SMYD3: variants seen among roughly 807,000 people sequenced by gnomAD.
SMYD3 encodes the protein SET and MYND domain containing 3.
A neutral mutation model predicts 57.7 loss-of-function variants in SMYD3; 36 were observed. That is an observed-to-expected ratio of 0.62 (90% CI 0.48 to 0.82). The LOEUF (loss-of-function observed/expected upper bound fraction) is 0.82, where lower values mean the gene tolerates loss of function less well. SMYD3 is among the 40% of genes least tolerant of loss of function. The pLI, the probability that SMYD3 is intolerant of heterozygous loss-of-function variation, is 0.00. For synonymous variants in SMYD3, 211 were observed against 195.0 expected (o/e 1.08, Z -0.68); for missense variants, 515 against 538.8 (o/e 0.96, Z 0.44).
At chr1:246,197,654 C>G (rs1486261690) in intron 5 of SMYD3, among the ~76,000 whole-genome samples, 1 of 152,080 alleles carries the variant, frequency 6.6e-6, no homozygotes, top group Non-Finnish European at 1.5e-5. Context: ...AACGTGGTAT[C>G]CTGTGTGGCA....
At chr1:245,864,010 T>TCA (rs1376363984) in intron 8 of SMYD3, 124 bp from the exon 9 acceptor site, 2 of 800,874 alleles carry the variant, frequency 2.5e-6, no homozygotes, top group Non-Finnish European at 4.0e-6. Flanking sequence ...GCATCATTTA[T>TCA]CATCAGGGAA....
intron 5 of SMYD3, among the ~76,000 whole-genome samples, chr1:246,214,739 A>G (rs10924556): frequency 0.27 from 40,328 of 151,930 alleles, 6,078 homozygotes; most frequent in East Asian, 0.58. Flanking sequence ...CTACCGGAAT[A>G]TTTAGGAACA....
rs189388336 is a variant in SMYD3, at chr1:245,857,643, T to C, written c.1076+853A>G. Among the ~76,000 whole-genome samples the C allele has an allele frequency of 4.6e-5, 7 of 152,288 alleles. No individual in the cohort carries two copies. In the East Asian group the frequency reaches 1.4e-3, roughly 29 times the overall value. ...CCATCGCTCCTGGTCACAGGTGCTTTCGAGGTACCTTCCCGCCAGCAACCT... is the reference window on the plus strand; with the variant it reads ...CCATCGCTCCTGGTCACAGGTGCTTCCGAGGTACCTTCCCGCCAGCAACCT... On this transcript the variant is annotated intron_variant, in intron 10 of 11. Coordinates refer to ENST00000490107, the MANE Select transcript of SMYD3 (RefSeq NM_001167740.2).
chr1:245,828,444 C>T (rs1345485131), intron 10 of SMYD3, among the ~76,000 whole-genome samples: 2 of 152,172 alleles, frequency 1.3e-5, no homozygotes, highest in South Asian at 2.1e-4. Context: ...TCATACACCT[C>T]TGAAGCATTT....
Position 245,942,912 on chromosome 1 carries a change from A to C in SMYD3, c.532-12975T>G, listed in dbSNP as rs920558005. ...GGGTAAATAATGAAATTGAGGCAGAAATGAAGAAGTTCTTTGAAACCAATG... is the reference window on the plus strand; with the variant it reads ...GGGTAAATAATGAAATTGAGGCAGACATGAAGAAGTTCTTTGAAACCAATG... On this transcript the variant is annotated intron_variant, in intron 5 of 11. Coordinates refer to ENST00000490107, the MANE Select transcript of SMYD3 (RefSeq NM_001167740.2). Among the ~76,000 whole-genome samples, 4 of 152,318 alleles carry C rather than the reference A, an allele frequency of 2.6e-5. No individual in the cohort carries two copies. The East Asian group carries it at 7.7e-4, about 29-fold the overall frequency.
chr1:245,940,565 AAAAACAAAAC>A (rs58286168), intron 5 of SMYD3, among the ~76,000 whole-genome samples: 7 of 149,122 alleles, frequency 4.7e-5, no homozygotes, highest in Admixed American at 1.3e-4. Context: ...TGACTGTTAA[AAAAACAAAAC>A]AAAACAAAAC....
chr1:246,008,210 T>C (rs1255648001), intron 5 of SMYD3, among the ~76,000 whole-genome samples: 2 of 152,228 alleles, frequency 1.3e-5, no homozygotes, highest in Non-Finnish European at 1.5e-5. Flanking sequence ...CAAACCTCAA[T>C]GGTAATGAAG....
chr1:246,168,323 T>A (rs1369027800), intron 5 of SMYD3, among the ~76,000 whole-genome samples: 1 of 152,184 alleles, frequency 6.6e-6, no homozygotes, highest in Non-Finnish European at 1.5e-5. Flanking sequence ...TCTCCCAGAT[T>A]CAGCCATGTA....
chr1:246,470,518 A>G (rs577376117), intron 1 of SMYD3, among the ~76,000 whole-genome samples: 1 of 141,534 alleles, frequency 7.1e-6, no homozygotes, highest in African/African-American at 2.8e-5. Flanking sequence ...ATTAAAAAAA[A>G]AAATATATAT....
At chr1:245,874,164 C>G (rs935514755) in intron 8 of SMYD3, among the ~76,000 whole-genome samples, 4 of 152,176 alleles carry the variant, frequency 2.6e-5, no homozygotes, top group African/African-American at 7.2e-5. Context: ...AGCCATAGCA[C>G]AGAGAGTCTA....
rs540042880 is a variant in SMYD3, at chr1:246,366,378, A to C, written c.165-11284T>G. 2.6e-5 allele frequency among the ~76,000 whole-genome samples: 4 copies of C among 152,318 alleles called. No homozygotes were observed. In the South Asian group the frequency reaches 6.2e-4, roughly 24 times the overall value. On this transcript the variant is annotated intron_variant, in intron 1 of 11. Transcript: ENST00000490107. ...AAAAGGCAAGTTGAGTCCAAGAAAA[A>C]AGTGATGTGTGCTTGATTAAACCAA...
At chr1:245,842,802 G>A (rs2050469984) in intron 10 of SMYD3, among the ~76,000 whole-genome samples, 1 of 152,030 alleles carries the variant, frequency 6.6e-6, no homozygotes, top group African/African-American at 2.4e-5. Context: ...TCGAACTCCT[G>A]GGGTCAAAAG....
intron 11 of SMYD3, among the ~76,000 whole-genome samples, chr1:245,749,973 C>T (rs544776057): frequency 3.7e-4 from 57 of 152,244 alleles, no homozygotes; most frequent in African/African-American, 1.3e-3. Flanking sequence ...GAAGAGTTAC[C>T]AAAATGATTG....
At chr1:246,234,350 G>A (rs1468678484) in intron 5 of SMYD3, among the ~76,000 whole-genome samples, 1 of 151,842 alleles carries the variant, frequency 6.6e-6, no homozygotes, top group Non-Finnish European at 1.5e-5. Flanking sequence ...ACCACATGGA[G>A]GAGAAGCACT....
intron 5 of SMYD3, among the ~76,000 whole-genome samples, chr1:246,031,457 G>T (rs185129997): frequency 2.6e-4 from 39 of 152,208 alleles, no homozygotes; most frequent in Middle Eastern, 3.4e-3. Flanking sequence ...AAGTTATGGG[G>T]CCAGGCGCAG....
chr1:246,457,544 A>AAAAGAAAAGAAAAGAAAAG (rs768191962), intron 1 of SMYD3, among the ~76,000 whole-genome samples: 21 of 87,236 alleles, frequency 2.4e-4, no homozygotes, highest in African/African-American at 7.8e-4. Context: ...AAAAAAAAAA[A>AAAAGAAAAGAAAAGAAAAG]AAAAGAAAAG....
chr1:246,096,763 TG>T (rs1311962788), intron 5 of SMYD3, among the ~76,000 whole-genome samples: 2 of 147,178 alleles, frequency 1.4e-5, no homozygotes, highest in African/African-American at 5.5e-5. Flanking sequence ...TTGTAACAAA[TG>T]TTTATCATTG....
chr1:246,044,955 C>T lies in SMYD3; in HGVS notation c.532-115018G>A, dbSNP rs111565657. On this transcript the variant is annotated intron_variant, in intron 5 of 11. Transcript: ENST00000490107. Reference sequence around the variant, plus strand: ...TGAAGGACCTCTTCAAGGAGAACTACAAACCACTGCTCAACGAAATAAAAG... The same window carrying T: ...TGAAGGACCTCTTCAAGGAGAACTATAAACCACTGCTCAACGAAATAAAAG... Among the ~76,000 whole-genome samples the T allele has an allele frequency of 3.2e-3, 492 of 152,242 alleles. 3 individuals carry two copies. The highest frequency in any genetic ancestry group is 0.012 in the African/African-American group (478 of 41,540).
chr1:246,056,270 A>G (rs2060149492), intron 5 of SMYD3, among the ~76,000 whole-genome samples: 1 of 152,114 alleles, frequency 6.6e-6, no homozygotes, highest in Admixed American at 6.5e-5. Flanking sequence ...GCCTTTCCTC[A>G]TTTCATCCTG....
Sources: gnomAD v4.1 joint callset for allele counts (sites outside exome capture counted in the v4.1 genomes callset) on GRCh38, gnomAD v4.1.1 for gene constraint, MANE v1.5 for transcripts, NCBI Gene and HGNC (gene_info 2026-07-23, HGNC 2026-07-21) for gene names.